Variants in EXTL3 observed in about 807,000 individuals in gnomAD.
The protein encoded by EXTL3 is exostosin like glycosyltransferase 3, also known as exostosin-like 3.
Under a neutral mutation model 69.3 loss-of-function variants are expected in EXTL3, and 27 were observed. That is an observed-to-expected ratio of 0.39 (90% CI 0.29 to 0.54). The LOEUF (loss-of-function observed/expected upper bound fraction) is 0.54. Among genes scored for constraint, EXTL3 ranks in the 20% least tolerant of loss-of-function variants. The pLI is 0.69. For synonymous variants in EXTL3, 511 were observed against 499.4 expected (o/e 1.02, Z -0.31); for missense variants, 1,003 against 1,231.8 (o/e 0.81, Z 2.78).
At chr8:28,632,388 T>C (rs1216020943) in intron 1 of EXTL3, among the ~76,000 whole-genome samples, 5 of 151,918 alleles carry the variant, frequency 3.3e-5, no homozygotes, top group African/African-American at 1.2e-4. Context: ...AGAGTGAAAC[T>C]TCATTTCAAA....
intron 1 of EXTL3, among the ~76,000 whole-genome samples, chr8:28,662,167 A>G (rs908983702): frequency 2.0e-5 from 3 of 152,094 alleles, no homozygotes; most frequent in African/African-American, 7.2e-5. Flanking sequence ...GCCATCATCC[A>G]TTAAAATAAT....
chr8:28,732,764 C>T (rs1398455638), intron 4 of EXTL3, among the ~76,000 whole-genome samples: 2 of 152,120 alleles, frequency 1.3e-5, no homozygotes, highest in Admixed American at 6.5e-5. Flanking sequence ...CACTCTGTTG[C>T]GCAGGCTGGA....
intron 1 of EXTL3, among the ~76,000 whole-genome samples, chr8:28,692,420 T>G (rs1048136936): frequency 6.6e-6 from 1 of 152,210 alleles, no homozygotes; most frequent in South Asian, 2.1e-4. Context: ...GAATTAATTT[T>G]GAGTAATATT....
chr8:28,638,146 C>G (rs1297486486), intron 1 of EXTL3, among the ~76,000 whole-genome samples: 1 of 152,178 alleles, frequency 6.6e-6, no homozygotes, highest in Non-Finnish European at 1.5e-5. Flanking sequence ...CCTGGGCCCC[C>G]TACTCTCCCT....
chr8:28,714,640 A>T (rs922004491), intron 2 of EXTL3, among the ~76,000 whole-genome samples: 5 of 152,246 alleles, frequency 3.3e-5, no homozygotes, highest in Non-Finnish European at 7.3e-5. Flanking sequence ...AACCGGGAAT[A>T]TTCCCTGGCA....
chr8:28,716,010 G>T lies in EXTL3; in HGVS notation c.-50G>T. 1 of 1,485,564 alleles carries T rather than the reference G, an allele frequency of 6.7e-7. No homozygotes were observed. The highest frequency in any genetic ancestry group is 9.2e-7 in the Non-Finnish European group (1 of 1,086,572). The allele number at this position is 1,485,564 out of a possible 1,614,324, so 92.0% of individuals were successfully genotyped here. On this transcript the variant is annotated 5_prime_UTR_variant, in exon 3 of 7. Coordinates refer to ENST00000220562, the MANE Select transcript of EXTL3 (RefSeq NM_001440.4). This position sits in a 1 kb window ranked among gnomAD's most constrained non-coding sequence, Gnocchi z 7.1. The stretch of plus-strand genomic sequence containing the variant: ...TCGTTTTGTGGAATAGCAACCCATG[G>T]TTATGGCGAGTGACCCGACGTGATC...
chr8:28,661,717 TA>T (rs1227063471), intron 1 of EXTL3, among the ~76,000 whole-genome samples: 1 of 150,794 alleles, frequency 6.6e-6, no homozygotes, highest in Non-Finnish European at 1.5e-5. Flanking sequence ...CCGCCTCTAC[TA>T]AAAATACAAA....
chr8:28,629,453 A>G (rs1002264683), intron 1 of EXTL3, among the ~76,000 whole-genome samples: 5 of 152,102 alleles, frequency 3.3e-5, no homozygotes, highest in African/African-American at 1.2e-4. Flanking sequence ...AGGGCCGACA[A>G]CGTGTCAAAT....
chr8:28,682,448 A>T (rs1280437602), intron 1 of EXTL3, among the ~76,000 whole-genome samples: 3 of 151,480 alleles, frequency 2.0e-5, no homozygotes, highest in Non-Finnish European at 1.5e-5. Flanking sequence ...TTTTATTTTT[A>T]TTTTATTTTT....
In EXTL3 at chr8:28,669,022, C is replaced by A. The variant is rs554835481; in HGVS notation, c.-52-44435C>A. On this transcript the variant is annotated intron_variant, in intron 1 of 6. Transcript: ENST00000523149. The stretch of plus-strand genomic sequence containing the variant: ...GGGACTACAGGTGTGTGCCACCATG[C>A]CCAGCTAATTTTTGTATTTTTAGTA... Among the ~76,000 whole-genome samples the A allele has an allele frequency of 2.7e-4, 41 of 152,010 alleles. 1 individual carries two copies. The South Asian group carries it at 8.5e-3, about 32-fold the overall frequency.
upstream of EXTL3, among the ~76,000 whole-genome samples, chr8:28,619,294 A>AAAAAAC (rs1806374084): frequency 1.3e-5 from 1 of 74,292 alleles, no homozygotes; most frequent in Non-Finnish European, 3.1e-5. Flanking sequence ...AAAAAAAAAA[A>AAAAAAC]AAAAAAAAAA....
intron 1 of EXTL3, among the ~76,000 whole-genome samples, chr8:28,703,473 AG>A (rs1325971903): frequency 2.0e-5 from 3 of 152,066 alleles, no homozygotes; most frequent in Non-Finnish European, 4.4e-5. Flanking sequence ...GCAAGTCCAG[AG>A]GGTGGTTTGA....
intron 3 of EXTL3, among the ~76,000 whole-genome samples, chr8:28,726,879 C>CTTTTTTTTTTTTTT (rs11458194): frequency 5.0e-5 from 5 of 99,946 alleles, no homozygotes; most frequent in African/African-American, 1.6e-4. Context: ...CTTTTCTTTT[C>CTTTTTTTTTTTTTT]TTTTTTTTTT....
intron 1 of EXTL3, among the ~76,000 whole-genome samples, chr8:28,642,537 G>A (rs1020852866): frequency 6.6e-6 from 1 of 151,986 alleles, no homozygotes; most frequent in Non-Finnish European, 1.5e-5. Context: ...AGGATTGCAT[G>A]AGTCCAGGAG....
chr8:28,643,452 TC>T (rs1364650840), intron 1 of EXTL3, among the ~76,000 whole-genome samples: 1 of 150,948 alleles, frequency 6.6e-6, no homozygotes, highest in Non-Finnish European at 1.5e-5. Flanking sequence ...TCTCGCTCTT[TC>T]GCCCAGGCCG....
chr8:28,661,224 TAA>T (rs1807109819), intron 1 of EXTL3, among the ~76,000 whole-genome samples: 2 of 152,198 alleles, frequency 1.3e-5, no homozygotes, highest in South Asian at 4.1e-4. Flanking sequence ...TTACATACAA[TAA>T]AGTCTACCAA....
intron 3 of EXTL3, among the ~76,000 whole-genome samples, chr8:28,726,221 T>C (rs562445732): frequency 1.4e-4 from 22 of 152,326 alleles, no homozygotes; most frequent in African/African-American, 5.3e-4. Context: ...CCTAAAGTGC[T>C]GGGATTACAG....
intron 1 of EXTL3, among the ~76,000 whole-genome samples, chr8:28,656,031 T>C (rs1007722416): frequency 6.6e-6 from 1 of 152,124 alleles, no homozygotes; most frequent in Non-Finnish European, 1.5e-5. Flanking sequence ...TGCAGGATCA[T>C]TGAGAACCTT....
intron 3 of EXTL3, among the ~76,000 whole-genome samples, chr8:28,726,025 G>A (rs991368377): frequency 6.7e-6 from 1 of 149,676 alleles, no homozygotes; most frequent in Non-Finnish European, 1.5e-5. Flanking sequence ...GCACAATCTC[G>A]GCTCACTGCA....
Sources: allele counts gnomAD v4.1 joint callset (sites outside exome capture counted in the v4.1 genomes callset), GRCh38; gene constraint gnomAD v4.1.1; non-coding constraint Gnocchi (gnomAD v3.1); transcripts MANE v1.5; gene names NCBI Gene and HGNC (gene_info 2026-07-23, HGNC 2026-07-21).